Variants in MAGI1 observed in about 807,000 individuals in gnomAD.
The protein encoded by MAGI1 is membrane-associated guanylate kinase, WW and PDZ domain-containing protein 1.
Under a neutral mutation model 139.9 loss-of-function variants are expected in MAGI1, and 58 were observed. The ratio of observed to expected loss-of-function variants is 0.41; its 90% confidence interval spans 0.34 to 0.52. The LOEUF (loss-of-function observed/expected upper bound fraction) is 0.52, where lower values mean the gene tolerates loss of function less well. MAGI1 is among the 20% of genes least tolerant of loss of function. The pLI is 0.12. For missense variants in MAGI1, 1,874 were observed against 1,901.6 expected (o/e 0.99, Z 0.27); for synonymous variants, 812 against 737.9 (o/e 1.10, Z -1.63).
intron 1 of MAGI1, among the ~76,000 whole-genome samples, chr3:65,660,589 GAA>G (rs915459019): frequency 6.6e-6 from 1 of 152,140 alleles, no homozygotes; most frequent in Non-Finnish European, 1.5e-5. Flanking sequence ...TTGTCTTCTG[GAA>G]AAGTTTCCAG....
chr3:66,019,616 A>G (rs2067855133), intron 1 of MAGI1, among the ~76,000 whole-genome samples: 1 of 152,188 alleles, frequency 6.6e-6, no homozygotes, highest in Non-Finnish European at 1.5e-5. Flanking sequence ...AAGTTGTTGC[A>G]AAAATAATAA....
intron 2 of MAGI1, among the ~76,000 whole-genome samples, chr3:65,609,262 ATC>A (rs780824422): frequency 6.7e-6 from 1 of 149,988 alleles, no homozygotes; most frequent in African/African-American, 2.5e-5. Flanking sequence ...TTTCATCTCT[ATC>A]TCTCTCTCTC....
rs531181129 is a variant in MAGI1 at position 65,675,609 on chromosome 3, G to A, written c.314-53521C>T. ...AAAAAATAAACCCATCACAGACCAA[G>A]TAGGTCTTAATTCAAAAATTCAAGG... is the stretch of plus-strand genomic sequence containing the variant. On this transcript the variant is annotated intron_variant, in intron 1 of 22. Transcript: ENST00000402939. Among the ~76,000 whole-genome samples the A allele has an allele frequency of 3.3e-3, 502 of 152,272 alleles. 1 individual carries two copies. Among genetic ancestry groups the A allele is most frequent in the Admixed American group, 5.3e-3 (81 of 15,290 alleles).
At chr3:65,715,647 T>C (rs1291254788) in intron 1 of MAGI1, among the ~76,000 whole-genome samples, 1 of 152,200 alleles carries the variant, frequency 6.6e-6, no homozygotes, top group Non-Finnish European at 1.5e-5. Context: ...ACACACATTT[T>C]GTTTGTTTAA....
Position 65,592,635 on chromosome 3 carries a change from A to G in MAGI1, c.430+29337T>C, listed in dbSNP as rs188277265. Among the ~76,000 whole-genome samples the G allele has an allele frequency of 4.6e-3, 695 of 152,280 alleles. 2 individuals carry two copies. The highest frequency in any genetic ancestry group is 8.3e-3 in the Non-Finnish European group (566 of 68,016). On this transcript the variant is annotated intron_variant, in intron 2 of 22. Coordinates refer to ENST00000402939, the MANE Select transcript of MAGI1 (RefSeq NM_001033057.2). ...GAAAAAAGAAAAAAGCTATGTGCAT[A>G]TATATATTAGTGCAGAAAAGTTAGG...
chr3:65,668,441 T>G (rs1411290622), intron 1 of MAGI1, among the ~76,000 whole-genome samples: 1 of 152,082 alleles, frequency 6.6e-6, no homozygotes, highest in African/African-American at 2.4e-5. Flanking sequence ...TTCAAAAAGT[T>G]TGTGTAAAAA....
intron 18 of MAGI1, among the ~76,000 whole-genome samples, chr3:65,374,294 C>T (rs1387709302): frequency 6.6e-6 from 1 of 150,540 alleles, no homozygotes; most frequent in African/African-American, 2.4e-5. Context: ...TACTTCCTGG[C>T]CTTAGTGTAT....
intron 1 of MAGI1, among the ~76,000 whole-genome samples, chr3:65,984,471 C>T (rs1439532616): frequency 6.6e-6 from 1 of 150,988 alleles, no homozygotes; most frequent in Non-Finnish European, 1.5e-5. Context: ...TTCCCCTCTC[C>T]TTCTTTTAAA....
chr3:65,643,204 C>T (rs1238007084), intron 1 of MAGI1, among the ~76,000 whole-genome samples: 2 of 152,144 alleles, frequency 1.3e-5, no homozygotes, highest in Non-Finnish European at 2.9e-5. Context: ...AGTGACTTCT[C>T]AGTTCAGGGT....
chr3:65,864,669 G>A (rs2059661473), intron 1 of MAGI1, among the ~76,000 whole-genome samples: 1 of 152,122 alleles, frequency 6.6e-6, no homozygotes, highest in African/African-American at 2.4e-5. Context: ...AATGGAGTGG[G>A]GAACAAGACT....
intron 1 of MAGI1, among the ~76,000 whole-genome samples, chr3:65,801,327 T>C (rs1194081857): frequency 3.3e-5 from 5 of 152,218 alleles, no homozygotes; most frequent in South Asian, 2.1e-4. Context: ...AGGAAAGGTC[T>C]GATGAGGGAA....
chr3:65,715,068 A>G (rs955878033), intron 1 of MAGI1, among the ~76,000 whole-genome samples: 1 of 152,144 alleles, frequency 6.6e-6, no homozygotes, highest in African/African-American at 2.4e-5. Context: ...ATCATACAAA[A>G]AAAGAAGGTG....
intron 1 of MAGI1, among the ~76,000 whole-genome samples, chr3:66,032,914 CAA>C (rs58736926): frequency 1.8e-4 from 20 of 110,272 alleles, no homozygotes; most frequent in Admixed American, 2.8e-4. Context: ...AACTCCATCT[CAA>C]AAAAAAAAAA....
At chr3:65,754,955 T>A (rs879920438) in intron 1 of MAGI1, among the ~76,000 whole-genome samples, 111 of 149,550 alleles carry the variant, frequency 7.4e-4, no homozygotes, top group South Asian at 1.9e-3. Flanking sequence ...TATTATTTTT[T>A]AAATTTTTTT....
chr3:65,484,176 ATGGATCACACTGTT>A (rs1428051236), intron 3 of MAGI1, among the ~76,000 whole-genome samples: 5 of 152,222 alleles, frequency 3.3e-5, no homozygotes, highest in Admixed American at 6.5e-5. Flanking sequence ...CCTGAGATCC[ATGGATCACACTGTT>A]TGTGTAGCAA....
At chr3:65,401,606 G>A (rs1305179727) in intron 12 of MAGI1, 136 bp from the exon 13 acceptor site, 2 of 1,550,942 alleles carry the variant, frequency 1.3e-6, no homozygotes, top group Middle Eastern at 1.7e-4. Flanking sequence ...TTTCTCCCCA[G>A]CATCGGAGTT....
chr3:66,016,510 AAAG>A (rs1319950737), intron 1 of MAGI1, among the ~76,000 whole-genome samples: 1 of 152,194 alleles, frequency 6.6e-6, no homozygotes, highest in African/African-American at 2.4e-5. Context: ...CACCCTTTGC[AAAG>A]AAGCGACGAG....
chr3:65,738,351 A>AT (rs1491428774), intron 1 of MAGI1, among the ~76,000 whole-genome samples: 3 of 151,824 alleles, frequency 2.0e-5, no homozygotes, highest in African/African-American at 2.4e-5. Context: ...TAAAAAAAAA[A>AT]TTTTTTTGTG....
chr3:65,776,397 C>A (rs1044130715), intron 1 of MAGI1, among the ~76,000 whole-genome samples: 4 of 151,936 alleles, frequency 2.6e-5, no homozygotes, highest in African/African-American at 9.7e-5. Flanking sequence ...AAAAATTTTT[C>A]AAAGCCTCTG....
Sources: allele counts gnomAD v4.1 joint callset (sites outside exome capture counted in the v4.1 genomes callset), GRCh38; gene constraint gnomAD v4.1.1; transcripts MANE v1.5; gene names NCBI Gene and HGNC (gene_info 2026-07-23, HGNC 2026-07-21).